TRERF1: variants seen among roughly 807,000 people sequenced by gnomAD.
TRERF1 encodes the protein transcriptional regulating factor 1, also known as transcriptional-regulating factor 1.
In TRERF1, 27 loss-of-function variants were observed where a neutral mutation model predicts 122.9. The observed-to-expected ratio is 0.22, with a 90% CI of 0.16 to 0.30. The LOEUF (loss-of-function observed/expected upper bound fraction) is 0.30, where lower values mean the gene tolerates loss of function less well. Among genes scored for constraint, TRERF1 ranks in the 10% least tolerant of loss-of-function variants. TRERF1 has a pLI of 1.00. For missense variants in TRERF1, 1,248 were observed against 1,560.3 expected, an observed-to-expected ratio of 0.80 and a Z score of 3.37; for synonymous variants, 636 against 641.7, an observed-to-expected ratio of 0.99 and a Z score of 0.13.
intron 2 of TRERF1, among the ~76,000 whole-genome samples, chr6:42,376,072 G>A (rs755604392): frequency 1.3e-5 from 2 of 152,128 alleles, no homozygotes; most frequent in African/African-American, 2.4e-5. Flanking sequence ...GATGTTTCTC[G>A]GCCTACCACT....
chr6:42,315,213 A>C (rs1161203091), intron 3 of TRERF1, among the ~76,000 whole-genome samples: 1 of 152,190 alleles, frequency 6.6e-6, no homozygotes, highest in Non-Finnish European at 1.5e-5. Context: ...CTGTGTCACG[A>C]CTAGGGAAGT....
intron 2 of TRERF1, among the ~76,000 whole-genome samples, chr6:42,394,964 C>T (rs1778337220): frequency 6.6e-6 from 1 of 152,162 alleles, no homozygotes; most frequent in African/African-American, 2.4e-5. Context: ...ATTTAGGCAC[C>T]CACCAGGCAA....
chr6:42,421,856 T>A (rs949234048), intron 2 of TRERF1, among the ~76,000 whole-genome samples: 1 of 151,648 alleles, frequency 6.6e-6, no homozygotes, highest in East Asian at 1.9e-4. Flanking sequence ...AACTGACAAA[T>A]AGATTGCAAA....
intron 3 of TRERF1, among the ~76,000 whole-genome samples, chr6:42,310,308 T>C (rs930762293): frequency 6.6e-6 from 1 of 152,220 alleles, no homozygotes; most frequent in African/African-American, 2.4e-5. Context: ...ATGTGGCTAG[T>C]AGCTACCATA....
At chr6:42,288,667 C>T (rs1383425348) in intron 4 of TRERF1, among the ~76,000 whole-genome samples, 2 of 150,668 alleles carry the variant, frequency 1.3e-5, no homozygotes, top group African/African-American at 4.9e-5. Flanking sequence ...CACAGTGATG[C>T]TGTGATCTAA....
At chr6:42,378,524 C>G (rs1246008507) in intron 2 of TRERF1, among the ~76,000 whole-genome samples, 1 of 151,964 alleles carries the variant, frequency 6.6e-6, no homozygotes, top group Non-Finnish European at 1.5e-5. Context: ...ATATTCAATC[C>G]AAAGAGGGCA....
intron 15 of TRERF1, among the ~76,000 whole-genome samples, chr6:42,237,549 A>G (rs1386096284): frequency 6.6e-6 from 1 of 152,250 alleles, no homozygotes; most frequent in Non-Finnish European, 1.5e-5. Context: ...AGGCATGTCC[A>G]GCTGCCCCTG....
At chr6:42,369,786 A>G (rs936652712) in intron 2 of TRERF1, among the ~76,000 whole-genome samples, 17 of 152,120 alleles carry the variant, frequency 1.1e-4, no homozygotes, top group Admixed American at 2.6e-4. Flanking sequence ...AAAATTTCAC[A>G]ATATCTGGCC....
In TRERF1 at chr6:42,228,740, AC is replaced by A; in HGVS notation, c.3279-72del. The A allele has an allele frequency of 6.8e-7, 1 of 1,461,580 alleles. No individual in the cohort carries two copies. Among genetic ancestry groups the A allele is most frequent in the Non-Finnish European group, 9.2e-7 (1 of 1,087,276 alleles). 90.5% of individuals were successfully genotyped at this position (1,461,580 alleles called of 1,614,324 possible). On this transcript the variant is annotated intron_variant, in intron 17 of 17. Coordinates refer to ENST00000372922, the Ensembl canonical transcript of TRERF1. The surrounding 1 kb of genome is among the most constrained non-coding windows in gnomAD (Gnocchi z 4.2). ...GAGTTCTTGGAAATCCAGGTGTCCT[AC>A]GGGGAATGGGGGTGTGTGGTCTGAC...
At chr6:42,431,950 T>C (rs1052756646) in intron 2 of TRERF1, among the ~76,000 whole-genome samples, 10 of 152,062 alleles carry the variant, frequency 6.6e-5, no homozygotes, top group African/African-American at 2.4e-4. Context: ...TAAGCTAAAA[T>C]GGTTAGAAAG....
At chr6:42,234,193 G>A (rs1244773802) in intron 16 of TRERF1, among the ~76,000 whole-genome samples, 4 of 152,156 alleles carry the variant, frequency 2.6e-5, no homozygotes, top group Non-Finnish European at 5.9e-5. Flanking sequence ...CCGCTATAAA[G>A]GGGTGTAAAT....
At chr6:42,285,694 G>A (rs1459536155) in intron 4 of TRERF1, among the ~76,000 whole-genome samples, 4 of 151,168 alleles carry the variant, frequency 2.6e-5, no homozygotes, top group African/African-American at 9.8e-5. Context: ...TAGCATGAAG[G>A]GTTGTTGAAT....
At chr6:42,401,611 C>A (rs1315559760) in intron 2 of TRERF1, among the ~76,000 whole-genome samples, 1 of 152,190 alleles carries the variant, frequency 6.6e-6, no homozygotes, top group African/African-American at 2.4e-5. Flanking sequence ...CCAGGCCCTG[C>A]CTCAGAGCCT....
At chr6:42,281,744 T>C (rs1312583325) in intron 4 of TRERF1, among the ~76,000 whole-genome samples, 2 of 152,118 alleles carry the variant, frequency 1.3e-5, no homozygotes, top group East Asian at 3.9e-4. Flanking sequence ...ACACCCAGCG[T>C]GGCATCGATG....
chr6:42,316,356 C>T (rs938150381), intron 3 of TRERF1, among the ~76,000 whole-genome samples: 5 of 152,156 alleles, frequency 3.3e-5, no homozygotes, highest in Non-Finnish European at 7.3e-5. Context: ...CAGAACCCTT[C>T]CTGGTCACTA....
intron 2 of TRERF1, among the ~76,000 whole-genome samples, chr6:42,363,863 G>C (rs1398981866): frequency 2.0e-5 from 3 of 152,178 alleles, no homozygotes; most frequent in Non-Finnish European, 2.9e-5. Context: ...CCAACACCTT[G>C]ATCTTGGACT....
chr6:42,334,679 C>A (rs549690902), intron 3 of TRERF1, among the ~76,000 whole-genome samples: 4 of 152,304 alleles, frequency 2.6e-5, no homozygotes, highest in Admixed American at 2.6e-4. Context: ...ATGGCCCCAA[C>A]TCCCTCATGG....
chr6:42,276,180 G>GC lies in TRERF1; in HGVS notation c.-258-6333dup, dbSNP rs1781108044. 6.6e-6 allele frequency among the ~76,000 whole-genome samples: 1 copy of GC among 152,174 alleles called. No homozygotes were observed. The highest frequency in any genetic ancestry group is 1.5e-5 in the Non-Finnish European group (1 of 68,030). ...GCACCAGGAGACAAGGCCGCAGTCT[G>GC]CAAGAAGGATATCTGTCCTAAGGGC... On this transcript the variant is annotated intron_variant, in intron 4 of 17. Transcript: ENST00000372922. This position sits in a 1 kb window ranked among gnomAD's most constrained non-coding sequence, Gnocchi z 4.3.
At chr6:42,337,522 G>A (rs1452327707) in intron 3 of TRERF1, among the ~76,000 whole-genome samples, 1 of 152,148 alleles carries the variant, frequency 6.6e-6, no homozygotes, top group Non-Finnish European at 1.5e-5. Flanking sequence ...CAAGTCTACT[G>A]GGAGAGGCAG....
Sources: gnomAD v4.1 joint callset for allele counts (sites outside exome capture counted in the v4.1 genomes callset) on GRCh38, gnomAD v4.1.1 for gene constraint, Gnocchi (gnomAD v3.1) non-coding constraint, MANE v1.5 for transcripts, NCBI Gene and HGNC (gene_info 2026-07-23, HGNC 2026-07-21) for gene names.